SYT13: variants seen among roughly 807,000 people sequenced by gnomAD.
SYT13 encodes the protein synaptotagmin-13.
SYT13 carries 21 observed loss-of-function variants against 38.6 expected under a neutral mutation model. The observed-to-expected ratio is 0.54, with a 90% confidence interval of 0.39 to 0.78. SYT13 has a LOEUF of 0.78. Among genes scored for constraint, SYT13 ranks in the 30% least tolerant of loss-of-function variants. The pLI, the probability that SYT13 is intolerant of heterozygous loss-of-function variation, is 0.00. For missense variants in SYT13, 495 were observed against 548.7 expected, an observed-to-expected ratio of 0.90 and a Z score of 0.98; for synonymous variants, 241 against 237.6, an observed-to-expected ratio of 1.01 and a Z score of -0.13.
intron 1 of SYT13, among the ~76,000 whole-genome samples, chr11:45,279,024 T>C (rs796691073): frequency 6.6e-5 from 10 of 152,228 alleles, no homozygotes; most frequent in East Asian, 1.9e-4. Flanking sequence ...GTTTCTGAAG[T>C]TGACCTACAA....
chr11:45,257,076 C>G (rs1854757196), intron 1 of SYT13, among the ~76,000 whole-genome samples: 2 of 152,174 alleles, frequency 1.3e-5, no homozygotes, highest in African/African-American at 4.8e-5. Context: ...CAAAATGTAG[C>G]CTGTGTACCA....
chr11:45,245,045 C>A (rs923996408), intron 5 of SYT13, among the ~76,000 whole-genome samples: 2 of 152,174 alleles, frequency 1.3e-5, no homozygotes, highest in Non-Finnish European at 2.9e-5. Context: ...AATAGGAGAT[C>A]CCCTGCTGGT....
Position 45,253,811 on chromosome 11 carries a change from G to A in SYT13, c.544+459C>T, listed in dbSNP as rs114739080. 1,024 of 152,660 alleles carry A rather than the reference G, an allele frequency of 6.7e-3. 15 individuals carry two copies. Among genetic ancestry groups the A allele is most frequent in the African/African-American group, 0.024 (983 of 41,546 alleles). 9.5% of individuals were successfully genotyped at this position (152,660 alleles called of 1,614,324 possible). The stretch of plus-strand genomic sequence containing the variant: ...TGCCTTTCCTTCCGGGGCACCTGTC[G>A]GCCCACATTTCCCAGCCCACTTTGC... On this transcript the variant is annotated intron_variant, in intron 3 of 5. Transcript: ENST00000020926.
Position 45,252,844 on chromosome 11 carries a change from G to T in SYT13, c.545-122C>A. The stretch of plus-strand genomic sequence containing the variant: ...CGACGTGACCTTGGGTGTCAGAAAG[G>T]CTGACCACCCTGGGCACCAGGGAAT... On this transcript the variant is annotated intron_variant, in intron 3 of 5. Transcript: ENST00000020926. This position sits in a 1 kb window ranked among gnomAD's most constrained non-coding sequence, Gnocchi z 4.3. The T allele has an allele frequency of 9.5e-7, 1 of 1,053,426 alleles. No individual in the cohort carries two copies. Among genetic ancestry groups the T allele is most frequent in the Non-Finnish European group, 1.3e-6 (1 of 756,274 alleles). 65.3% of individuals were successfully genotyped at this position (1,053,426 alleles called of 1,614,324 possible).
chr11:45,253,761 G>C (rs567419764), intron 3 of SYT13: 3 of 150,164 alleles, frequency 2.0e-5, no homozygotes, highest in African/African-American at 7.6e-5. Context: ...TGGCAGAGAC[G>C]ACTAGTTCTT....
chr11:45,277,166 A>G (rs1855020521), intron 1 of SYT13, among the ~76,000 whole-genome samples: 1 of 152,242 alleles, frequency 6.6e-6, no homozygotes, highest in Non-Finnish European at 1.5e-5. Flanking sequence ...ATATCATATG[A>G]TTTTATTTAT....
At chr11:45,251,386 TAAAAA>T (rs10649998) in intron 4 of SYT13, among the ~76,000 whole-genome samples, 1 of 75,370 alleles carries the variant, frequency 1.3e-5, no homozygotes, top group African/African-American at 5.8e-5. Context: ...AGACTCTGTC[TAAAAA>T]AAAAAAAAAA....
intron 4 of SYT13, among the ~76,000 whole-genome samples, chr11:45,247,608 A>G (rs1222603554): frequency 2.0e-5 from 3 of 152,104 alleles, no homozygotes; most frequent in Non-Finnish European, 4.4e-5. Context: ...GTGACTCCCT[A>G]AGCTTCCTCC....
At chr11:45,275,394 T>C (rs1854998558) in intron 1 of SYT13, among the ~76,000 whole-genome samples, 1 of 152,196 alleles carries the variant, frequency 6.6e-6, no homozygotes, top group African/African-American at 2.4e-5. Flanking sequence ...TTGTTTTCAT[T>C]CATATTCATA....
chr11:45,262,394 G>A (rs1854827723), intron 1 of SYT13, among the ~76,000 whole-genome samples: 2 of 152,142 alleles, frequency 1.3e-5, no homozygotes, highest in Admixed American at 6.6e-5. Flanking sequence ...GGAGATGGAT[G>A]GTGGTGATGT....
intron 3 of SYT13, chr11:45,253,838 GT>G (rs1403779437): frequency 5.9e-5 from 9 of 153,178 alleles, no homozygotes; most frequent in African/African-American, 2.2e-4. Context: ...CCACTTTGCA[GT>G]TGAGTGTGCT....
chr11:45,243,284 G>A lies in SYT13; in HGVS notation c.*768C>T, dbSNP rs114870973. The stretch of plus-strand genomic sequence containing the variant: ...TGAAATGCACAAATTAAAGTATTAA[G>A]AATTAAAATAATTAAATTAAAAAGC... On this transcript the variant is annotated 3_prime_UTR_variant, in exon 6 of 6. Transcript: ENST00000020926. 6.6e-6 allele frequency: 1 copy of A among 152,180 alleles called. No individual in the cohort carries two copies. Among genetic ancestry groups the A allele is most frequent in the Non-Finnish European group, 1.5e-5 (1 of 68,042 alleles). The allele number at this position is 152,180 out of a possible 1,614,324, so 9.4% of individuals were successfully genotyped here. A position where few individuals can be genotyped will look rare whatever the true frequency, so the allele number is the denominator to read the frequency against.
chr11:45,260,544 A>C (rs925894394), intron 1 of SYT13, among the ~76,000 whole-genome samples: 2 of 152,182 alleles, frequency 1.3e-5, no homozygotes, highest in Non-Finnish European at 2.9e-5. Flanking sequence ...CCAGCCTTCC[A>C]CCATGGGTGC....
chr11:45,244,986 A>T (rs1259544591), intron 5 of SYT13, among the ~76,000 whole-genome samples: 1 of 151,734 alleles, frequency 6.6e-6, no homozygotes, highest in East Asian at 1.9e-4. Context: ...CCAGCTCCCA[A>T]CTCTTCATCC....
rs772953190 is a variant in SYT13, at chr11:45,246,505, G to C, written c.854C>G (p.Ser285Cys). The change falls in exon 5 of 6, where the codon TCT (serine) becomes TGT (cysteine). Residue 285 changes from serine to cysteine, a missense_variant. Physicochemically the swap from Ser to Cys is moderately radical, Grantham distance 112. Transcript: ENST00000020926. ...TAGTAGGACCTCTCCAGCTCCTGCA[G>C]ATGGCTCCTGAAACAGAAAAGGAGA... ...GELKTSAKEP[S>C]AGAGEVLLSI... The C allele has an allele frequency of 6.2e-6, 10 of 1,613,918 alleles. No homozygotes were observed. In the Admixed American group the frequency reaches 1.5e-4, roughly 24 times the overall value.
chr11:45,277,701 T>C (rs750383241), intron 1 of SYT13, among the ~76,000 whole-genome samples: 1 of 152,116 alleles, frequency 6.6e-6, no homozygotes, highest in African/African-American at 2.4e-5. Flanking sequence ...ATCCTTCCCT[T>C]TTGCCCTGGT....
At chr11:45,245,158 C>T (rs571708865) in intron 5 of SYT13, among the ~76,000 whole-genome samples, 1 of 152,318 alleles carries the variant, frequency 6.6e-6, no homozygotes, top group Non-Finnish European at 1.5e-5. Context: ...TGCACGCTCC[C>T]CCAAACCCAG....
At chr11:45,246,814 G>A (rs772950749) in intron 4 of SYT13, among the ~76,000 whole-genome samples, 6 of 152,116 alleles carry the variant, frequency 3.9e-5, no homozygotes, top group Admixed American at 6.5e-5. Context: ...ATGCAGCAGC[G>A]GGGAGGAGGC....
In SYT13 at chr11:45,249,134, A is replaced by C. The variant is rs1565376558; in HGVS notation, c.847-2622T>G. Among the ~76,000 whole-genome samples the C allele has an allele frequency of 3.3e-5, 5 of 152,264 alleles. No homozygotes were observed. The South Asian group carries it at 1.0e-3, about 31-fold the overall frequency. On this transcript the variant is annotated intron_variant, in intron 4 of 5. Transcript: ENST00000020926. The stretch of plus-strand genomic sequence containing the variant: ...CTCAAAAGAAGACATTTATGCAGCC[A>C]ACAGACATATGAAAAAATGCTCATC...
Sources: allele counts gnomAD v4.1 joint callset (sites outside exome capture counted in the v4.1 genomes callset), GRCh38; gene constraint gnomAD v4.1.1; non-coding constraint Gnocchi (gnomAD v3.1); transcripts MANE v1.5; gene names NCBI Gene and HGNC (gene_info 2026-07-23, HGNC 2026-07-21).